The following ADAMTS20 variants were observed in gnomAD, a reference collection of about 807,000 sequenced individuals.
ADAMTS20 encodes A disintegrin and metalloproteinase with thrombospondin motifs 20.
Under a neutral mutation model 260.1 loss-of-function variants are expected in ADAMTS20, and 225 were observed. The ratio of observed to expected loss-of-function variants is 0.87; its 90% CI spans 0.78 to 0.97. ADAMTS20 has a LOEUF of 0.97. Among genes scored for constraint, ADAMTS20 ranks in the 50% least tolerant of loss-of-function variants. The pLI, the probability that ADAMTS20 is intolerant of heterozygous loss-of-function variation, is 0.00. For missense variants in ADAMTS20, 2,400 were observed against 2,337.7 expected (o/e 1.03, Z -0.55); for synonymous variants, 802 against 769.5 (o/e 1.04, Z -0.70).
At chr12:43,503,800 T>C (rs1273237610) in intron 3 of ADAMTS20, among the ~76,000 whole-genome samples, 2 of 152,168 alleles carry the variant, frequency 1.3e-5, no homozygotes, top group Non-Finnish European at 2.9e-5. Flanking sequence ...CACATACAAG[T>C]GAGAACATGC....
chr12:43,392,339 C>T (rs1940613463), intron 29 of ADAMTS20, among the ~76,000 whole-genome samples: 1 of 152,028 alleles, frequency 6.6e-6, no homozygotes, highest in Admixed American at 6.6e-5. Flanking sequence ...GTTTATAAAA[C>T]ACAGTTTAGC....
At chr12:43,549,309 A>T (rs1943481483) in intron 2 of ADAMTS20, among the ~76,000 whole-genome samples, 1 of 151,992 alleles carries the variant, frequency 6.6e-6, no homozygotes, top group African/African-American at 2.4e-5. Context: ...AAACAAAAAA[A>T]GTATGATGAT....
intron 7 of ADAMTS20, among the ~76,000 whole-genome samples, chr12:43,487,213 C>A (rs1942536425): frequency 6.6e-6 from 1 of 152,084 alleles, no homozygotes; most frequent in Non-Finnish European, 1.5e-5. Flanking sequence ...TATGTATACA[C>A]CATGGATTAC....
intron 4 of ADAMTS20, among the ~76,000 whole-genome samples, chr12:43,501,425 C>T (rs1028257927): frequency 3.3e-5 from 5 of 150,250 alleles, no homozygotes; most frequent in Non-Finnish European, 7.4e-5. Flanking sequence ...AATAACAGGC[C>T]TAATTCAGGA....
chr12:43,405,830 C>T (rs987147599), intron 28 of ADAMTS20, among the ~76,000 whole-genome samples: 4 of 152,254 alleles, frequency 2.6e-5, no homozygotes, highest in African/African-American at 7.2e-5. Flanking sequence ...TATGTCACTT[C>T]TCTTTGTCTG....
intron 14 of ADAMTS20, among the ~76,000 whole-genome samples, chr12:43,449,544 G>A (rs1293590182): frequency 2.6e-5 from 4 of 151,956 alleles, no homozygotes; most frequent in Non-Finnish European, 5.9e-5. Context: ...ACTAGGCTTA[G>A]TATCTGGATG....
At chr12:43,394,117 C>T (rs181046520) in intron 29 of ADAMTS20, among the ~76,000 whole-genome samples, 8 of 152,168 alleles carry the variant, frequency 5.3e-5, no homozygotes, top group Admixed American at 3.9e-4. Context: ...AACAGAATCA[C>T]AGAAATGCCA....
chr12:43,542,042 C>T (rs1206324885), intron 2 of ADAMTS20, among the ~76,000 whole-genome samples: 2 of 152,128 alleles, frequency 1.3e-5, no homozygotes, highest in Admixed American at 6.5e-5. Context: ...CCCCAGCAGC[C>T]TTCATAACAT....
intron 15 of ADAMTS20, among the ~76,000 whole-genome samples, chr12:43,445,349 G>A (rs1036680012): frequency 1.3e-4 from 20 of 152,036 alleles, no homozygotes; most frequent in African/African-American, 3.4e-4. Flanking sequence ...GGAATCAAAT[G>A]TGTGTAGCTC....
At chr12:43,463,054 G>T (rs912526675) in intron 10 of ADAMTS20, 55 bp from the exon 11 acceptor site, 1 of 1,190,278 alleles carries the variant, frequency 8.4e-7, no homozygotes, top group South Asian at 1.3e-5. Flanking sequence ...CACAACACTG[G>T]TTCAATTCAG....
At chr12:43,355,547 T>C (rs942338115) in intron 38 of ADAMTS20, among the ~76,000 whole-genome samples, 1 of 152,158 alleles carries the variant, frequency 6.6e-6, no homozygotes, top group South Asian at 2.1e-4. Flanking sequence ...AATACTAAAT[T>C]TCATTTATGA....
chr12:43,445,188 G>A (rs1941738063), intron 15 of ADAMTS20, among the ~76,000 whole-genome samples: 1 of 152,004 alleles, frequency 6.6e-6, no homozygotes, highest in African/African-American at 2.4e-5. Flanking sequence ...TGAGTTTAAC[G>A]CATTGTTCTA....
At chr12:43,407,307 C>T (rs961310588) in intron 28 of ADAMTS20, among the ~76,000 whole-genome samples, 16 of 151,368 alleles carry the variant, frequency 1.1e-4, no homozygotes, top group South Asian at 2.1e-4. Context: ...CAGCAGACTT[C>T]GATTAAATTA....
At chr12:43,505,241 G>A (rs1209394362) in intron 3 of ADAMTS20, among the ~76,000 whole-genome samples, 3 of 152,102 alleles carry the variant, frequency 2.0e-5, no homozygotes, top group Non-Finnish European at 4.4e-5. Context: ...GTGATTTATT[G>A]GATATGGCAT....
intron 28 of ADAMTS20, among the ~76,000 whole-genome samples, chr12:43,425,093 T>C (rs1359457705): frequency 6.6e-6 from 1 of 152,198 alleles, no homozygotes; most frequent in Admixed American, 6.5e-5. Context: ...AGGAATGATA[T>C]CACGTCCTTT....
intron 7 of ADAMTS20, among the ~76,000 whole-genome samples, chr12:43,471,926 C>T (rs1299122560): frequency 2.3e-4 from 33 of 142,402 alleles, no homozygotes; most frequent in Non-Finnish European, 3.4e-4. Context: ...AAACGCAGAG[C>T]GCCTCTCCTC....
chr12:43,483,965 T>C (rs932098771), intron 7 of ADAMTS20, among the ~76,000 whole-genome samples: 3 of 152,120 alleles, frequency 2.0e-5, no homozygotes, highest in Admixed American at 1.3e-4. Context: ...CCTCTTCCAT[T>C]CCAGCCACAC....
At position 43,376,523 on chromosome 12, in the gene ADAMTS20, C is replaced by A; in HGVS notation, c.5125+1G>T. On this transcript the variant is annotated splice_donor_variant, in intron 33 of 38. Coordinates refer to ENST00000389420, the MANE Select transcript of ADAMTS20 (RefSeq NM_025003.5). LOFTEE classifies it high-confidence loss of function. ...TTAGATTTTTGAAGTCTACTACTTA[C>A]AGTCATTGGCATAACATTTCTTTTG... The A allele has an allele frequency of 6.2e-7, 1 of 1,610,360 alleles. No individual in the cohort carries two copies. Among genetic ancestry groups the A allele is most frequent in the South Asian group, 1.1e-5 (1 of 90,300 alleles).
Position 43,544,348 on chromosome 12 carries a change from T to C in ADAMTS20, c.453+6561A>G, listed in dbSNP as rs146457679. Among the ~76,000 whole-genome samples the C allele has an allele frequency of 9.5e-3, 1,440 of 152,308 alleles. 27 individuals carry two copies. The highest frequency in any genetic ancestry group is 0.032 in the African/African-American group (1,327 of 41,572). On this transcript the variant is annotated intron_variant, in intron 2 of 38. Coordinates refer to ENST00000389420, the MANE Select transcript of ADAMTS20 (RefSeq NM_025003.5). ...GAGCTAGCTAAATATTTGGCATATATAAATAAAAGTTAGCTGCTTATCTTA... is the reference window on the plus strand; with the variant it reads ...GAGCTAGCTAAATATTTGGCATATACAAATAAAAGTTAGCTGCTTATCTTA...
Sources: allele counts gnomAD v4.1 joint callset (sites outside exome capture counted in the v4.1 genomes callset), GRCh38; gene constraint gnomAD v4.1.1; transcripts MANE v1.5; gene names NCBI Gene and HGNC (gene_info 2026-07-23, HGNC 2026-07-21).